MS4A14: variants seen among roughly 807,000 people sequenced by gnomAD.
MS4A14 encodes the protein membrane-spanning 4-domains subfamily A member 14.
Under a neutral mutation model 16.7 loss-of-function variants are expected in MS4A14, and 18 were observed. The observed-to-expected ratio is 1.08, with a 90% CI of 0.75 to 1.60. MS4A14 has a LOEUF of 1.60. MS4A14 is among the 40% of genes most tolerant of loss of function. The pLI, the probability that MS4A14 is intolerant of heterozygous loss-of-function variation, is 0.00. For synonymous variants in MS4A14, 305 were observed against 289.4 expected, an observed-to-expected ratio of 1.05 and a Z score of -0.55; for missense variants, 812 against 775.3, an observed-to-expected ratio of 1.05 and a Z score of -0.56.
intron 4 of MS4A14, among the ~76,000 whole-genome samples, chr11:60,414,632 T>G (rs1027413758): frequency 2.0e-5 from 3 of 152,122 alleles, no homozygotes; most frequent in African/African-American, 7.2e-5. Flanking sequence ...CACTTAGCTG[T>G]TTAAAAAACT....
intron 4 of MS4A14, 102 bp downstream of exon 4, chr11:60,403,163 T>A: frequency 7.5e-7 from 1 of 1,327,696 alleles, no homozygotes; most frequent in Non-Finnish European, 1.1e-6. Flanking sequence ...TGAAGTTGTG[T>A]CAGCATTTGA....
chr11:60,414,282 T>C (rs2085906400), intron 4 of MS4A14, among the ~76,000 whole-genome samples: 1 of 152,172 alleles, frequency 6.6e-6, no homozygotes. Flanking sequence ...CCATTTATAC[T>C]CACATAAATA....
intron 4 of MS4A14, among the ~76,000 whole-genome samples, chr11:60,411,139 C>T (rs993789684): frequency 6.6e-6 from 1 of 152,220 alleles, no homozygotes; most frequent in African/African-American, 2.4e-5. Flanking sequence ...AGCCACTGTG[C>T]CCGGCCCTGT....
At chr11:60,406,263 T>C (rs2085784773) in intron 4 of MS4A14, among the ~76,000 whole-genome samples, 1 of 152,190 alleles carries the variant, frequency 6.6e-6, no homozygotes, top group African/African-American at 2.4e-5. Flanking sequence ...CAAAAATATG[T>C]AATATCAGAC....
At chr11:60,397,745 T>G (rs1297701643) in intron 1 of MS4A14, 107 bp from the exon 2 acceptor site, 7 of 1,032,290 alleles carry the variant, frequency 6.8e-6, no homozygotes, top group Non-Finnish European at 8.5e-6. Context: ...AGGAAGGCAT[T>G]TGGATGGAGG....
chr11:60,416,147 C>A lies in MS4A14; in HGVS notation c.1179C>A (p.His393Gln). 1 of 1,612,214 alleles carries A rather than the reference C, an allele frequency of 6.2e-7. No homozygotes were observed. Among genetic ancestry groups the A allele is most frequent in the South Asian group, 1.1e-5 (1 of 90,892 alleles). ...TGCTATCTCAAGACACACCATCCCA[C>A]GCCATGCCACCTCAAGACATACCTT... ...LDMLSQDTPS[H>Q]AMPPQDIPSQ... The change falls in exon 5 of 5, where the codon CAC becomes CAA. Residue 393 changes from histidine to glutamine, a missense_variant. Coordinates refer to ENST00000300187, the MANE Select transcript of MS4A14 (RefSeq NM_032597.5).
chr11:60,400,461 C>T lies in MS4A14; in HGVS notation c.318+7C>T. On this transcript the variant is annotated splice_region_variant and intron_variant, in intron 3 of 4. Transcript: ENST00000300187. ...TAAGAAATCAAAACTTCTGGTAAGC[C>T]ACTTAAACTACATAAAATTTAAAAT... 2 of 1,582,762 alleles carry T rather than the reference C, an allele frequency of 1.3e-6. No homozygotes were observed. Among genetic ancestry groups the T allele is most frequent in the Non-Finnish European group, 1.7e-6 (2 of 1,154,014 alleles).
chr11:60,399,349 T>C (rs1184806817), intron 2 of MS4A14, among the ~76,000 whole-genome samples: 10 of 152,178 alleles, frequency 6.6e-5, no homozygotes, highest in African/African-American at 2.4e-4. Flanking sequence ...CTGGCAAAGA[T>C]AAAGCATGAG....
chr11:60,401,760 A>G (rs2085716940), intron 3 of MS4A14, among the ~76,000 whole-genome samples: 1 of 152,234 alleles, frequency 6.6e-6, no homozygotes, highest in African/African-American at 2.4e-5. Flanking sequence ...AGTCTATAAA[A>G]TGTCCTATGG....
chr11:60,403,039 T>C lies in MS4A14; in HGVS notation c.446T>C (p.Val149Ala), dbSNP rs145354751. Residue 149 changes from valine to alanine, a missense_variant, in exon 4 of 5, where the codon GTT becomes GCT. By Grantham distance (64) the Val-to-Ala change is moderately conservative. Coordinates refer to ENST00000300187, the MANE Select transcript of MS4A14 (RefSeq NM_032597.5). ...ATGCCATCCTTTGAAGAAATATGTGTTTTCAGTAGAACTCTTTTCATTGTA... is the reference window on the plus strand; with the variant it reads ...ATGCCATCCTTTGAAGAAATATGTGCTTTCAGTAGAACTCTTTTCATTGTA... ...CQMPSFEEIC[V>A]FSRTLFIVLF... 12 of 1,613,734 alleles carry C rather than the reference T, an allele frequency of 7.4e-6. No individual in the cohort carries two copies. In the East Asian group the frequency reaches 2.2e-4, roughly 30 times the overall value.
chr11:60,396,777 G>C, intron 1 of MS4A14, 61 bp downstream of exon 1: 1 of 1,530,808 alleles, frequency 6.5e-7, no homozygotes, highest in Non-Finnish European at 8.9e-7. Context: ...ATTTATTCAT[G>C]TATGTCTGCA....
At chr11:60,407,049 C>T (rs1343497941) in intron 4 of MS4A14, among the ~76,000 whole-genome samples, 2 of 111,716 alleles carry the variant, frequency 1.8e-5, no homozygotes, top group Non-Finnish European at 3.3e-5. Flanking sequence ...AGACCTCACT[C>T]TATGACCCAG....
In MS4A14 at chr11:60,416,536, A is replaced by C. The variant is rs199505839; in HGVS notation, c.1568A>C (p.Lys523Thr). 366 of 1,613,928 alleles carry C rather than the reference A, an allele frequency of 2.3e-4. 7 individuals carry two copies. The South Asian group carries it at 3.5e-3, about 16-fold the overall frequency. ...SKRHSLDQQS[K>T]GWQSPKQKSL... ...AGGCATTCCTTAGATCAGCAAAGCA[A>C]AGGCTGGCAATCTCCAAAGCAGAAA... Residue 523 changes from lysine (K) to threonine (T), a missense_variant, in exon 5 of 5, where the codon AAA becomes ACA. Transcript: ENST00000300187.
intron 3 of MS4A14, 135 bp downstream of exon 3, chr11:60,400,589 A>G (rs2085698723): frequency 1.9e-6 from 1 of 531,370 alleles, no homozygotes. Context: ...GATCATTCCT[A>G]TTTGCCAGTG....
At chr11:60,405,933 C>T in intron 4 of MS4A14, 1 of 1,534,440 alleles carries the variant, frequency 6.5e-7, no homozygotes, top group Non-Finnish European at 8.7e-7. Flanking sequence ...CAGAGCTCAG[C>T]ATCTCTGTGA....
At position 60,403,021 on chromosome 11, in the gene MS4A14, C is replaced by T. The variant is rs567429522; in HGVS notation, c.428C>T (p.Ser143Phe). 7 of 1,613,826 alleles carry T rather than the reference C, an allele frequency of 4.3e-6. No homozygotes were observed. The African/African-American group carries it at 8.0e-5, about 18-fold the overall frequency. The change falls in exon 4 of 5, where the codon TCC (serine) becomes TTC (phenylalanine). Residue 143 changes from serine to phenylalanine, a missense_variant. Coordinates refer to ENST00000300187, the MANE Select transcript of MS4A14 (RefSeq NM_032597.5). ...CAAGACAAGTACTGCCAGATGCCAT[C>T]CTTTGAAGAAATATGTGTTTTCAGT... ...RHQDKYCQMPSFEEICVFSRT... is the reference protein window; with the variant it reads ...RHQDKYCQMPFFEEICVFSRT...
chr11:60,400,350 G>T (rs137891599), intron 2 of MS4A14, 54 bp from the exon 3 acceptor site: 2 of 1,243,172 alleles, frequency 1.6e-6, no homozygotes, highest in African/African-American at 3.0e-5. Flanking sequence ...AAATTATACT[G>T]CAAGGTGGTC....
intron 4 of MS4A14, among the ~76,000 whole-genome samples, chr11:60,403,933 C>G (rs904699099): frequency 1.3e-5 from 2 of 152,204 alleles, no homozygotes; most frequent in Non-Finnish European, 2.9e-5. Context: ...CTCACAATCA[C>G]TCAGTGAAAT....
intron 3 of MS4A14, among the ~76,000 whole-genome samples, chr11:60,400,734 G>A (rs748259080): frequency 6.6e-6 from 1 of 152,090 alleles, no homozygotes; most frequent in Non-Finnish European, 1.5e-5. Flanking sequence ...TCCCTGCCCT[G>A]CACCCCCCAG....
Sources: gnomAD v4.1 joint callset for allele counts (sites outside exome capture counted in the v4.1 genomes callset) on GRCh38, gnomAD v4.1.1 for gene constraint, MANE v1.5 for transcripts, NCBI Gene and HGNC (gene_info 2026-07-23, HGNC 2026-07-21) for gene names.